The following LRRC4C variants were observed in gnomAD, a reference collection of about 807,000 sequenced individuals.
LRRC4C encodes the protein leucine rich repeat containing 4C.
Under a neutral mutation model 33.6 loss-of-function variants are expected in LRRC4C, and 5 were observed. The ratio of observed to expected loss-of-function variants is 0.15; its 90% CI spans 0.08 to 0.31. The LOEUF (loss-of-function observed/expected upper bound fraction) is 0.31. Ranked by LOEUF, LRRC4C falls within the 10% of genes least tolerant of loss-of-function variation. The probability of loss-of-function intolerance (pLI) is 1.00; values close to 1 mark genes in which losing one functional copy is unlikely to be tolerated. For synonymous variants in LRRC4C, 329 were observed against 302.0 expected (o/e 1.09, Z -0.93); for missense variants, 560 against 796.7 (o/e 0.70, Z 3.58).
At chr11:40,864,281 C>T (rs1381070375) in intron 2 of LRRC4C, among the ~76,000 whole-genome samples, 2 of 152,152 alleles carry the variant, frequency 1.3e-5, no homozygotes, top group East Asian at 3.9e-4. Context: ...ATTGGCCAGG[C>T]TGGTCTTGAA....
intron 1 of LRRC4C, among the ~76,000 whole-genome samples, chr11:41,331,668 T>G (rs571768632): frequency 2.6e-5 from 4 of 152,252 alleles, no homozygotes; most frequent in African/African-American, 9.6e-5. Flanking sequence ...TTCTCATACT[T>G]TTATTCACTT....
intron 1 of LRRC4C, among the ~76,000 whole-genome samples, chr11:41,413,914 G>A (rs1394919730): frequency 1.3e-5 from 2 of 152,172 alleles, no homozygotes; most frequent in East Asian, 1.9e-4. Flanking sequence ...ATCACTAAAT[G>A]AGATATCTAA....
intron 4 of LRRC4C, chr11:40,293,657 TA>T (rs1014369071): frequency 2.0e-4 from 30 of 148,736 alleles, no homozygotes; most frequent in East Asian, 1.2e-3. Context: ...AGAAAACGGG[TA>T]AAAAAAAAAT....
chr11:41,310,649 A>T (rs888033020), intron 1 of LRRC4C, among the ~76,000 whole-genome samples: 1 of 152,194 alleles, frequency 6.6e-6, no homozygotes, highest in Admixed American at 6.5e-5. Context: ...ATTATTAAAG[A>T]ATATTTGTCT....
intron 1 of LRRC4C, among the ~76,000 whole-genome samples, chr11:41,076,751 T>C (rs1388210514): frequency 6.6e-6 from 1 of 152,166 alleles, no homozygotes; most frequent in Non-Finnish European, 1.5e-5. Context: ...ATCATGCCTT[T>C]TCAGCAGTCC....
intron 1 of LRRC4C, among the ~76,000 whole-genome samples, chr11:41,281,169 C>T (rs1469090026): frequency 6.8e-6 from 1 of 147,296 alleles, no homozygotes; most frequent in East Asian, 2.1e-4. Context: ...ATCAAAGCAC[C>T]CCCAGTAGTG....
At chr11:40,965,495 G>A (rs1022701637) in intron 1 of LRRC4C, among the ~76,000 whole-genome samples, 5 of 152,128 alleles carry the variant, frequency 3.3e-5, no homozygotes, top group African/African-American at 1.2e-4. Context: ...GGTTTTTATG[G>A]TTTGAGGTCT....
At chr11:40,905,358 T>A (rs951370353) in intron 2 of LRRC4C, among the ~76,000 whole-genome samples, 2 of 151,622 alleles carry the variant, frequency 1.3e-5, no homozygotes, top group African/African-American at 4.9e-5. Flanking sequence ...CCCCTTGAGC[T>A]GGGAGAAGAT....
At chr11:41,000,708 T>C (rs1219082075) in intron 1 of LRRC4C, among the ~76,000 whole-genome samples, 1 of 152,162 alleles carries the variant, frequency 6.6e-6, no homozygotes, top group Non-Finnish European at 1.5e-5. Flanking sequence ...TTAACTTGCT[T>C]TACTCATTCG....
intron 3 of LRRC4C, among the ~76,000 whole-genome samples, chr11:40,617,948 C>G (rs976177735): frequency 1.3e-5 from 2 of 151,566 alleles, no homozygotes; most frequent in African/African-American, 2.4e-5. Flanking sequence ...TATTTGATGT[C>G]TGAGTGCTAA....
intron 1 of LRRC4C, among the ~76,000 whole-genome samples, chr11:41,116,421 G>C (rs1942128452): frequency 6.6e-6 from 1 of 152,110 alleles, no homozygotes; most frequent in South Asian, 2.1e-4. Flanking sequence ...CAATGTATTA[G>C]TCTATTTTAA....
At chr11:40,955,077 G>A (rs11036158) in intron 1 of LRRC4C, among the ~76,000 whole-genome samples, 3,589 of 151,914 alleles carry the variant, frequency 0.024, 56 homozygotes, top group Non-Finnish European at 0.036. Context: ...GGGCTTGGTA[G>A]AAAATGGAAC....
intron 2 of LRRC4C, among the ~76,000 whole-genome samples, chr11:40,905,939 A>G (rs1956395209): frequency 6.6e-6 from 1 of 152,224 alleles, no homozygotes; most frequent in Non-Finnish European, 1.5e-5. Flanking sequence ...GTAAAATTCT[A>G]TCAAACAGCA....
At chr11:41,083,844 AAC>A (rs1285249873) in intron 1 of LRRC4C, among the ~76,000 whole-genome samples, 1 of 152,204 alleles carries the variant, frequency 6.6e-6, no homozygotes, top group Non-Finnish European at 1.5e-5. Context: ...TGACAGTGGA[AAC>A]ACAATTGAGA....
At chr11:40,458,895 C>T (rs1416640025) in intron 3 of LRRC4C, among the ~76,000 whole-genome samples, 3 of 151,908 alleles carry the variant, frequency 2.0e-5, no homozygotes, top group Non-Finnish European at 4.4e-5. Context: ...ATATGTCTTG[C>T]TAAGAGTGGA....
chr11:40,469,137 CAACGCAGAAGG>C (rs1391196998), intron 3 of LRRC4C, among the ~76,000 whole-genome samples: 1 of 152,190 alleles, frequency 6.6e-6, no homozygotes, highest in Non-Finnish European at 1.5e-5. Context: ...CCAGTGAGAT[CAACGCAGAAGG>C]TGGGTGATTT....
chr11:40,824,077 A>G (rs1952055287), intron 2 of LRRC4C, among the ~76,000 whole-genome samples: 1 of 151,892 alleles, frequency 6.6e-6, no homozygotes, highest in Non-Finnish European at 1.5e-5. Flanking sequence ...ATAAACGTGG[A>G]ATTTCCAAAA....
intron 1 of LRRC4C, among the ~76,000 whole-genome samples, chr11:40,952,390 T>C (rs992741929): frequency 3.3e-5 from 5 of 151,986 alleles, no homozygotes; most frequent in Non-Finnish European, 5.9e-5. Context: ...ACTAATTTTA[T>C]ACTGAACATT....
rs150169813 is a variant in LRRC4C, at chr11:40,825,871, A to G, written c.-407+107764T>C. ...AGTTGTATATTCTTTTCGTAAGAAAAAAAAAAGAAAAAAATTTAAACAGTA... is the reference window on the plus strand; with the variant it reads ...AGTTGTATATTCTTTTCGTAAGAAAGAAAAAAGAAAAAAATTTAAACAGTA... On this transcript the variant is annotated intron_variant, in intron 2 of 6. Coordinates refer to ENST00000528697, the MANE Select transcript of LRRC4C (RefSeq NM_001258419.2). 2.5e-3 allele frequency among the ~76,000 whole-genome samples: 372 copies of G among 151,570 alleles called. 1 individual carries two copies. The highest frequency in any genetic ancestry group is 8.5e-3 in the African/African-American group (351 of 41,376).
Sources: allele counts gnomAD v4.1 joint callset (sites outside exome capture counted in the v4.1 genomes callset), GRCh38; gene constraint gnomAD v4.1.1; transcripts MANE v1.5; gene names NCBI Gene and HGNC (gene_info 2026-07-23, HGNC 2026-07-21).